PDGFRA: variants seen among roughly 807,000 people sequenced by gnomAD.
The protein encoded by PDGFRA is platelet-derived growth factor receptor alpha.
PDGFRA carries 25 observed loss-of-function variants against 121.5 expected under a neutral mutation model. The ratio of observed to expected loss-of-function variants is 0.21; its 90% CI spans 0.15 to 0.29. The LOEUF (loss-of-function observed/expected upper bound fraction) is 0.29, where lower values mean the gene tolerates loss of function less well. Among genes scored for constraint, PDGFRA ranks in the 10% least tolerant of loss-of-function variants. The pLI, the probability that PDGFRA is intolerant of heterozygous loss-of-function variation, is 1.00. For synonymous variants in PDGFRA, 463 were observed against 494.8 expected (o/e 0.94, Z 0.85); for missense variants, 1,008 against 1,345.1 (o/e 0.75, Z 3.92).
At chr4:54,241,488 G>C (rs994933578) in intron 1 of PDGFRA, among the ~76,000 whole-genome samples, 1 of 151,718 alleles carries the variant, frequency 6.6e-6, no homozygotes, top group Non-Finnish European at 1.5e-5. Flanking sequence ...TTAAAATTTA[G>C]ATGTAATTAG....
rs1195815525 is a variant in PDGFRA, at chr4:54,285,428, A to G, written c.2381A>G (p.Asp794Gly). 1.3e-6 allele frequency: 2 copies of G among 1,592,756 alleles called. No homozygotes were observed. Among genetic ancestry groups the G allele is most frequent in the Non-Finnish European group, 1.7e-6 (2 of 1,160,648 alleles). The change falls in exon 17 of 23, where the codon GAT becomes GGT. Residue 794 changes from aspartate (D) to glycine (G), a missense_variant. Transcript: ENST00000257290. ...AACTCAGAAGGCCTTACTTTATTGG[A>G]TTTGTTGAGCTTCACCTATCAAGTT... is the stretch of plus-strand genomic sequence containing the variant. The part of the protein sequence containing the change: ...DDNSEGLTLL[D>G]LLSFTYQVAR...
intron 7 of PDGFRA, among the ~76,000 whole-genome samples, chr4:54,269,502 CAT>C (rs931610641): frequency 1.2e-4 from 17 of 140,736 alleles, no homozygotes; most frequent in African/African-American, 4.3e-4. Context: ...TATGCACATA[CAT>C]ACACACACAC....
intron 21 of PDGFRA, 123 bp downstream of exon 21, chr4:54,289,237 G>T: frequency 1.4e-6 from 1 of 719,040 alleles, no homozygotes; most frequent in East Asian, 2.7e-5. Flanking sequence ...TGATCCAGTG[G>T]CTGGGCTTCA....
chr4:54,239,882 G>T (rs559652501), intron 1 of PDGFRA, among the ~76,000 whole-genome samples: 4 of 151,894 alleles, frequency 2.6e-5, no homozygotes, highest in South Asian at 2.1e-4. Context: ...ATAGCATCTC[G>T]CTGTGTTGCC....
At chr4:54,255,778 T>TA (rs1490717612) in intron 1 of PDGFRA, among the ~76,000 whole-genome samples, 1 of 152,074 alleles carries the variant, frequency 6.6e-6, no homozygotes, top group Non-Finnish European at 1.5e-5. Context: ...GTGCTGGGAT[T>TA]ACAGGCGTGA....
At chr4:54,232,963 G>A (rs956658794) in intron 1 of PDGFRA, among the ~76,000 whole-genome samples, 1 of 152,180 alleles carries the variant, frequency 6.6e-6, no homozygotes, top group African/African-American at 2.4e-5. Flanking sequence ...CCACGGCCGT[G>A]CGGCTCTCGT....
At chr4:54,253,146 G>C (rs1722149368) in intron 1 of PDGFRA, among the ~76,000 whole-genome samples, 1 of 152,208 alleles carries the variant, frequency 6.6e-6, no homozygotes, top group Non-Finnish European at 1.5e-5. Flanking sequence ...CAAGAGGTAG[G>C]AAGTGCAGGG....
chr4:54,239,871 G>T (rs1242044290), intron 1 of PDGFRA, among the ~76,000 whole-genome samples: 1 of 151,998 alleles, frequency 6.6e-6, no homozygotes, highest in Non-Finnish European at 1.5e-5. Flanking sequence ...TATTTTTAGA[G>T]ATAGCATCTC....
intron 12 of PDGFRA, 111 bp from the exon 13 acceptor site, chr4:54,277,277 A>T (rs1723784461): frequency 3.8e-6 from 3 of 792,740 alleles, no homozygotes; most frequent in Non-Finnish European, 6.8e-6. Flanking sequence ...TGATTACTCC[A>T]AACAGGAAAG....
At chr4:54,229,546 G>C in intron 1 of PDGFRA, 131 bp downstream of exon 1, 1 of 390,718 alleles carries the variant, frequency 2.6e-6, no homozygotes, top group Non-Finnish European at 4.5e-6. Context: ...TTCCAGTTGT[G>C]TGTCCAGAGA....
At chr4:54,232,652 T>C (rs1028129391) in intron 1 of PDGFRA, among the ~76,000 whole-genome samples, 2 of 152,224 alleles carry the variant, frequency 1.3e-5, no homozygotes, top group Non-Finnish European at 2.9e-5. Flanking sequence ...TGGTGCGATC[T>C]CGGCTCACTG....
chr4:54,287,388 G>A (rs751446501), intron 18 of PDGFRA, 42 bp from the exon 19 acceptor site: 3 of 818,186 alleles, frequency 3.7e-6, no homozygotes, highest in African/African-American at 3.3e-5. Context: ...TGGATCATCA[G>A]TGAGTAGACA....
intron 18 of PDGFRA, among the ~76,000 whole-genome samples, chr4:54,287,194 G>A (rs1724403667): frequency 6.6e-6 from 1 of 152,142 alleles, no homozygotes; most frequent in Non-Finnish European, 1.5e-5. Flanking sequence ...TATTCCTTTG[G>A]AGGACATAAA....
chr4:54,286,940 C>T (rs560107696), intron 18 of PDGFRA, among the ~76,000 whole-genome samples: 2 of 152,278 alleles, frequency 1.3e-5, no homozygotes, highest in East Asian at 3.9e-4. Context: ...AATTCCAAAT[C>T]ACCTCACTGC....
chr4:54,289,252 G>A (rs1028857712), intron 21 of PDGFRA, 138 bp downstream of exon 21: 9 of 704,784 alleles, frequency 1.3e-5, no homozygotes, highest in African/African-American at 5.3e-5. Context: ...GCTTCATGGC[G>A]GTGCTCCACG....
At position 54,289,067 on chromosome 4, in the gene PDGFRA, C is replaced by G. The variant is rs1724502275; in HGVS notation, c.2833C>G (p.His945Asp). The change falls in exon 21 of 23, where the codon CAC becomes GAC. Residue 945 changes from histidine to aspartate, a missense_variant. Physicochemically the swap from His to Asp is moderately conservative, Grantham distance 81 (BLOSUM62 -1). Transcript: ENST00000257290. ...SEPEKRPSFY[H>D]LSEIVENLLP... ...GCCGGAGAAGAGACCCTCCTTTTAC[C>G]ACCTGAGTGAGATTGTGGAGAATCT... 1.9e-6 allele frequency: 3 copies of G among 1,610,568 alleles called. No homozygotes were observed. The highest frequency in any genetic ancestry group is 2.5e-6 in the Non-Finnish European group (3 of 1,177,028).
chr4:54,288,117 A>G (rs1724444327), intron 19 of PDGFRA, among the ~76,000 whole-genome samples: 1 of 152,182 alleles, frequency 6.6e-6, no homozygotes, highest in Non-Finnish European at 1.5e-5. Context: ...ACACTTAGGG[A>G]TAAACAGTGT....
intron 1 of PDGFRA, among the ~76,000 whole-genome samples, chr4:54,243,368 A>G (rs1044833647): frequency 4.6e-5 from 7 of 152,250 alleles, no homozygotes; most frequent in African/African-American, 1.7e-4. Flanking sequence ...CCTACAAGAT[A>G]TGTAAGGAAA....
At chr4:54,284,853 TCTTTC>T (rs1350337921) in intron 16 of PDGFRA, among the ~76,000 whole-genome samples, 1 of 150,712 alleles carries the variant, frequency 6.6e-6, no homozygotes, top group African/African-American at 2.4e-5. Context: ...TCTGCATATC[TCTTTC>T]CTTTCTTTCA....
Sources: allele counts gnomAD v4.1 joint callset (sites outside exome capture counted in the v4.1 genomes callset), GRCh38; gene constraint gnomAD v4.1.1; transcripts MANE v1.5; gene names NCBI Gene and HGNC (gene_info 2026-07-23, HGNC 2026-07-21).